PCSK6: variants seen among roughly 807,000 people sequenced by gnomAD.
The protein encoded by PCSK6 is paired basic amino acid cleaving enzyme 4.
PCSK6 carries 85 observed loss-of-function variants against 123.3 expected under a neutral mutation model. The observed-to-expected ratio is 0.69, with a 90% CI of 0.58 to 0.83. The LOEUF (loss-of-function observed/expected upper bound fraction) is 0.83, where lower values mean the gene tolerates loss of function less well. Ranked by LOEUF, PCSK6 falls within the 40% of genes least tolerant of loss-of-function variation. The pLI is 0.00. For missense variants in PCSK6, 1,191 were observed against 1,282.3 expected (o/e 0.93, Z 1.09); for synonymous variants, 508 against 516.0 (o/e 0.98, Z 0.21).
intron 6 of PCSK6, among the ~76,000 whole-genome samples, chr15:101,400,372 G>A (rs1349737856): frequency 6.6e-6 from 1 of 152,180 alleles, no homozygotes; most frequent in East Asian, 1.9e-4. Flanking sequence ...TTCCTTCTGG[G>A]GTTCACCTTC....
At chr15:101,470,879 C>T (rs187392014) in intron 1 of PCSK6, among the ~76,000 whole-genome samples, 2 of 152,266 alleles carry the variant, frequency 1.3e-5, no homozygotes, top group Admixed American at 6.5e-5. Flanking sequence ...TTCAACAACT[C>T]GAGAGGCTGA....
At chr15:101,403,292 G>T (rs1351639154) in intron 6 of PCSK6, among the ~76,000 whole-genome samples, 1 of 109,564 alleles carries the variant, frequency 9.1e-6, no homozygotes, top group Non-Finnish European at 1.8e-5. Flanking sequence ...GAGGGGGGAG[G>T]GATAGCATTA....
At chr15:101,434,037 GC>G (rs1567218679) in intron 2 of PCSK6, among the ~76,000 whole-genome samples, 2 of 152,168 alleles carry the variant, frequency 1.3e-5, no homozygotes, top group Non-Finnish European at 2.9e-5. Context: ...TATAATGGCC[GC>G]TGACAGATAC....
At chr15:101,316,437 T>A (rs1311819034) in intron 19 of PCSK6, 2 of 152,256 alleles carry the variant, frequency 1.3e-5, no homozygotes, top group Non-Finnish European at 2.9e-5. Flanking sequence ...AAAAGTGAAT[T>A]ATTGAAATCA....
intron 1 of PCSK6, among the ~76,000 whole-genome samples, chr15:101,466,249 C>A (rs2057457498): frequency 6.6e-6 from 1 of 152,128 alleles, no homozygotes; most frequent in Non-Finnish European, 1.5e-5. Context: ...AAAAAAGAGA[C>A]ACAAATGACC....
intron 1 of PCSK6, among the ~76,000 whole-genome samples, chr15:101,445,557 ACTT>A (rs1369432418): frequency 3.9e-5 from 6 of 152,050 alleles, no homozygotes; most frequent in Non-Finnish European, 5.9e-5. Flanking sequence ...CACCTTGCTC[ACTT>A]CTTCAACAAA....
chr15:101,459,877 T>A (rs2057300364), intron 1 of PCSK6, among the ~76,000 whole-genome samples: 1 of 152,020 alleles, frequency 6.6e-6, no homozygotes. Context: ...GCCCCCACCT[T>A]CTGAAACATT....
At chr15:101,475,096 G>A (rs2057698800) in intron 1 of PCSK6, among the ~76,000 whole-genome samples, 1 of 152,190 alleles carries the variant, frequency 6.6e-6, no homozygotes, top group African/African-American at 2.4e-5. Flanking sequence ...CCAGTTGAGA[G>A]GCTGCCCCAT....
In PCSK6 at chr15:101,377,960, T is replaced by A. The variant is rs144867789; in HGVS notation, c.1532+4132A>T. Reference sequence around the variant, plus strand: ...CTTTGTGTTGGTTTAAAAGACCCTGTTGTTGTGAGTGTCCCCAGCACTGAG... The same window carrying A: ...CTTTGTGTTGGTTTAAAAGACCCTGATGTTGTGAGTGTCCCCAGCACTGAG... On this transcript the variant is annotated intron_variant, in intron 11 of 21. Transcript: ENST00000611716. Among the ~76,000 whole-genome samples, 352 of 152,318 alleles carry A rather than the reference T, an allele frequency of 2.3e-3. 1 individual carries two copies. Among genetic ancestry groups the A allele is most frequent in the African/African-American group, 8.2e-3 (341 of 41,570 alleles).
intron 13 of PCSK6, among the ~76,000 whole-genome samples, chr15:101,345,151 G>T (rs1011601763): frequency 6.6e-6 from 1 of 152,120 alleles, no homozygotes; most frequent in Non-Finnish European, 1.5e-5. Flanking sequence ...TGAAGCAGAT[G>T]CCTTCAAGCA....
intron 11 of PCSK6, among the ~76,000 whole-genome samples, chr15:101,377,642 G>C (rs1211970235): frequency 6.6e-6 from 1 of 152,208 alleles, no homozygotes; most frequent in African/African-American, 2.4e-5. Flanking sequence ...TTCATAAATA[G>C]AGTTGTTTTA....
chr15:101,325,046 C>T lies in PCSK6; in HGVS notation c.2181G>A (p.Arg727=). ...HFSLGSVKTS[R]KCVSVCPLGY... is the part of the protein sequence containing the mutation. ...CCAAGGGGCACACACTCACGCACTT[C>T]CTGTAGGAGCAAAGGCAGGAGGGTG... Residue 727 remains arginine (R), a splice_region_variant and synonymous_variant, in exon 17 of 22, where the codon AGG becomes AGA. Coordinates refer to ENST00000611716, the MANE Select transcript of PCSK6 (RefSeq NM_002570.5). The T allele has an allele frequency of 1.9e-6, 3 of 1,601,594 alleles. No homozygotes were observed. The highest frequency in any genetic ancestry group is 1.7e-6 in the Non-Finnish European group (2 of 1,174,722).
chr15:101,333,141 GCTT>G lies in PCSK6; in HGVS notation c.1859-1113_1859-1111del, dbSNP rs35524178. Among the ~76,000 whole-genome samples, 760 of 152,264 alleles carry G rather than the reference GCTT, an allele frequency of 5.0e-3. 3 individuals carry two copies. The highest frequency in any genetic ancestry group is 0.017 in the African/African-American group (696 of 41,556). On this transcript the variant is annotated intron_variant, in intron 13 of 21. Transcript: ENST00000611716. ...ACTCTGCTGCTGGCCACTGGTTTAA[GCTT>G]CTTCTTCTTCTTTTTTTTAACCACG...
At chr15:101,452,981 T>C (rs544379414) in intron 1 of PCSK6, among the ~76,000 whole-genome samples, 1 of 152,196 alleles carries the variant, frequency 6.6e-6, no homozygotes, top group Non-Finnish European at 1.5e-5. Context: ...TGTAAGTTTG[T>C]GATTGTTTCA....
At chr15:101,363,293 T>C (rs1006218146) in intron 13 of PCSK6, among the ~76,000 whole-genome samples, 3 of 152,172 alleles carry the variant, frequency 2.0e-5, no homozygotes, top group Non-Finnish European at 4.4e-5. Flanking sequence ...AGAGTAAAGA[T>C]CACAGGTCTA....
chr15:101,320,357 A>G (rs2040091433), intron 18 of PCSK6, among the ~76,000 whole-genome samples: 1 of 152,202 alleles, frequency 6.6e-6, no homozygotes, highest in Non-Finnish European at 1.5e-5. Flanking sequence ...AAGTGCTGGG[A>G]TTACAGGCGT....
chr15:101,318,473 A>T lies in PCSK6; in HGVS notation c.2466-51T>A. ...CCACATCCATTCCAAAAGTCTAATT[A>T]TGACTTGCCCTCTAGCACCTTTCCC... On this transcript the variant is annotated intron_variant, in intron 18 of 21. Coordinates refer to ENST00000611716, the MANE Select transcript of PCSK6 (RefSeq NM_002570.5). The T allele has an allele frequency of 2.1e-6, 3 of 1,429,400 alleles. No homozygotes were observed. In the South Asian group the frequency reaches 3.7e-5, roughly 18 times the overall value. The allele number at this position is 1,429,400 out of a possible 1,614,324, so 88.5% of individuals were successfully genotyped here. A position where few individuals can be genotyped will look rare whatever the true frequency, so the allele number is the denominator to read the frequency against.
intron 13 of PCSK6, among the ~76,000 whole-genome samples, chr15:101,355,526 G>C (rs2041011430): frequency 6.6e-6 from 1 of 152,356 alleles, no homozygotes; most frequent in East Asian, 1.9e-4. Flanking sequence ...GGCACACTCA[G>C]CTGGGCTCTT....
chr15:101,386,720 C>A (rs1365226814), intron 9 of PCSK6, among the ~76,000 whole-genome samples: 1 of 152,230 alleles, frequency 6.6e-6, no homozygotes, highest in African/African-American at 2.4e-5. Context: ...GAGCACACTT[C>A]GCTGATCTCT....
Sources: gnomAD v4.1 joint callset for allele counts (sites outside exome capture counted in the v4.1 genomes callset) on GRCh38, gnomAD v4.1.1 for gene constraint, MANE v1.5 for transcripts, NCBI Gene and HGNC (gene_info 2026-07-23, HGNC 2026-07-21) for gene names.